ADAM32: variants seen among roughly 807,000 people sequenced by gnomAD.
ADAM32 encodes disintegrin and metalloproteinase domain-containing protein 32.
In ADAM32, 89 loss-of-function variants were observed where a neutral mutation model predicts 114.9. The ratio of observed to expected loss-of-function variants is 0.77; its 90% CI spans 0.65 to 0.92. The LOEUF is 0.92. Ranked by LOEUF, ADAM32 falls within the 40% of genes least tolerant of loss-of-function variation. The pLI, the probability that ADAM32 is intolerant of heterozygous loss-of-function variation, is 0.00. For missense variants in ADAM32, 870 were observed against 932.8 expected, an observed-to-expected ratio of 0.93 and a Z score of 0.88; for synonymous variants, 285 against 307.5, an observed-to-expected ratio of 0.93 and a Z score of 0.77.
upstream of ADAM32, chr8:39,107,602 G>A: frequency 6.9e-7 from 1 of 1,443,602 alleles, no homozygotes. Flanking sequence ...GGCGCACGCT[G>A]CGGGCCCTTC....
intron 14 of ADAM32, among the ~76,000 whole-genome samples, chr8:39,224,435 GTTATCTT>G (rs1409716368): frequency 1.3e-5 from 2 of 152,096 alleles, no homozygotes; most frequent in African/African-American, 4.8e-5. Flanking sequence ...ACCAACATTT[GTTATCTT>G]TTATCTTTTT....
chr8:39,161,002 G>C, intron 7 of ADAM32, 37 bp downstream of exon 7: 7 of 1,496,206 alleles, frequency 4.7e-6, no homozygotes, highest in Non-Finnish European at 2.7e-6. Context: ...TGAAATATTT[G>C]ATCCAAATGT....
chr8:39,233,002 C>G (rs1809849616), intron 15 of ADAM32, among the ~76,000 whole-genome samples: 1 of 151,950 alleles, frequency 6.6e-6, no homozygotes, highest in South Asian at 2.1e-4. Flanking sequence ...ATATAAAATG[C>G]TGTAGTGAAT....
chr8:39,282,310 A>G (rs927114672), intron 23 of ADAM32, among the ~76,000 whole-genome samples: 2 of 152,180 alleles, frequency 1.3e-5, no homozygotes, highest in Non-Finnish European at 2.9e-5. Context: ...TTAACGAATG[A>G]GTGGTTTCTC....
intron 2 of ADAM32, among the ~76,000 whole-genome samples, chr8:39,126,178 C>A (rs1333978977): frequency 1.3e-5 from 2 of 152,032 alleles, no homozygotes; most frequent in Non-Finnish European, 1.5e-5. Context: ...CCATATGAAT[C>A]TTAAAATAGT....
At position 39,274,549 on chromosome 8, in the gene ADAM32, C is replaced by G. The variant is rs563772433; in HGVS notation, c.2240+199C>G. 5.3e-5 allele frequency among the ~76,000 whole-genome samples: 8 copies of G among 152,166 alleles called. No homozygotes were observed. In the East Asian group the frequency reaches 1.3e-3, roughly 26 times the overall value. Reference sequence around the variant, plus strand: ...TATTTAATAAATGTTTACTGGAGGTCTCTTTTGAGGAAACAAGGAATAAAA... The same window carrying G: ...TATTTAATAAATGTTTACTGGAGGTGTCTTTTGAGGAAACAAGGAATAAAA... On this transcript the variant is annotated intron_variant, in intron 21 of 24. Coordinates refer to ENST00000379907, the MANE Select transcript of ADAM32 (RefSeq NM_145004.7).
intron 11 of ADAM32, among the ~76,000 whole-genome samples, chr8:39,188,313 A>G (rs1421224483): frequency 6.6e-6 from 1 of 152,120 alleles, no homozygotes; most frequent in Admixed American, 6.6e-5. Context: ...CCATATATGT[A>G]TATATATAAT....
intron 12 of ADAM32, among the ~76,000 whole-genome samples, chr8:39,216,239 A>G (rs2129448568): frequency 6.6e-6 from 1 of 152,024 alleles, no homozygotes. Context: ...TTTAGTTTCC[A>G]TTGGCAAAGG....
intron 14 of ADAM32, among the ~76,000 whole-genome samples, chr8:39,227,309 A>G (rs769599244): frequency 2.0e-5 from 3 of 152,160 alleles, no homozygotes; most frequent in South Asian, 2.1e-4. Flanking sequence ...AGCTGAGTCA[A>G]TTTAGAGAGC....
chr8:39,274,806 C>T (rs535853714), intron 21 of ADAM32, among the ~76,000 whole-genome samples: 1 of 152,358 alleles, frequency 6.6e-6, no homozygotes, highest in South Asian at 2.1e-4. Context: ...CAATGCATTA[C>T]TCACTTGTTT....
intron 13 of ADAM32, 48 bp downstream of exon 13, chr8:39,221,750 T>G (rs767799862): frequency 3.5e-6 from 5 of 1,416,208 alleles, no homozygotes; most frequent in South Asian, 1.2e-5. Flanking sequence ...ACAAATCATG[T>G]GCAGGGTACT....
chr8:39,189,581 G>A (rs181704486), intron 11 of ADAM32, among the ~76,000 whole-genome samples: 16 of 152,102 alleles, frequency 1.1e-4, no homozygotes, highest in Non-Finnish European at 1.6e-4. Context: ...TAGAATATCC[G>A]TCCTCTCAAA....
chr8:39,253,032 A>T (rs1419942173), intron 17 of ADAM32, among the ~76,000 whole-genome samples: 1 of 151,692 alleles, frequency 6.6e-6, no homozygotes, highest in Non-Finnish European at 1.5e-5. Context: ...ATCTACAAAC[A>T]TGCATGCAAA....
intron 14 of ADAM32, 109 bp downstream of exon 14, chr8:39,223,347 T>C (rs1034093446): frequency 3.3e-6 from 2 of 605,092 alleles, no homozygotes; most frequent in Non-Finnish European, 4.9e-6. Context: ...TTATATAGTA[T>C]AAAATGTGGA....
intron 6 of ADAM32, among the ~76,000 whole-genome samples, chr8:39,152,045 A>G (rs1803868290): frequency 6.6e-6 from 1 of 152,068 alleles, no homozygotes; most frequent in Admixed American, 6.6e-5. Context: ...TTTGCTTGTT[A>G]CATTCTTATT....
At chr8:39,215,291 G>T (rs1359435453) in intron 12 of ADAM32, among the ~76,000 whole-genome samples, 1 of 151,832 alleles carries the variant, frequency 6.6e-6, no homozygotes, top group East Asian at 1.9e-4. Flanking sequence ...CAACAATATT[G>T]GTTCTTCTAA....
rs151227679 is a variant in ADAM32 at position 39,243,867 on chromosome 8, T to C, written c.1819-2216T>C. Among the ~76,000 whole-genome samples, 691 of 152,104 alleles carry C rather than the reference T, an allele frequency of 4.5e-3. 7 individuals are homozygous for C. The highest frequency in any genetic ancestry group is 0.015 in the African/African-American group (625 of 41,482). ...CTGTCACTGCTTGCCAATGATATGA[T>C]CATATACCTTGGAAACCCTAAAGAC... On this transcript the variant is annotated intron_variant, in intron 16 of 24. Transcript: ENST00000379907.
At chr8:39,201,510 G>A (rs571418944) in intron 11 of ADAM32, among the ~76,000 whole-genome samples, 14 of 152,204 alleles carry the variant, frequency 9.2e-5, no homozygotes, top group Middle Eastern at 6.8e-3. Flanking sequence ...TTGCTTATCC[G>A]CTTAAGGAGA....
chr8:39,233,920 A>C lies in ADAM32; in HGVS notation c.1656A>C (p.Leu552Phe), dbSNP rs1293764996. 8 of 1,559,558 alleles carry C rather than the reference A, an allele frequency of 5.1e-6. No individual in the cohort carries two copies. The highest frequency in any genetic ancestry group is 6.9e-6 in the Non-Finnish European group (8 of 1,153,830). ...TCAGGAATCTTATATGTGGAAGATTAGTTTGTACCTACCCTACTCGAAAGC... is the reference window on the plus strand; with the variant it reads ...TCAGGAATCTTATATGTGGAAGATTCGTTTGTACCTACCCTACTCGAAAGC... ...CGWRNLICGRLVCTYPTRKPF... is the reference protein window; with the variant it reads ...CGWRNLICGRFVCTYPTRKPF... Residue 552 changes from leucine to phenylalanine, a missense_variant, in exon 16 of 25, where the codon TTA becomes TTC. Leu to Phe is a conservative substitution (Grantham distance 22). Transcript: ENST00000379907.
Sources: gnomAD v4.1 joint callset for allele counts (sites outside exome capture counted in the v4.1 genomes callset) on GRCh38, gnomAD v4.1.1 for gene constraint, MANE v1.5 for transcripts, NCBI Gene and HGNC (gene_info 2026-07-23, HGNC 2026-07-21) for gene names.